Variants in CDH22 observed in about 807,000 individuals in gnomAD.
CDH22 encodes cadherin 22.
Under a neutral mutation model 58.4 loss-of-function variants are expected in CDH22, and 30 were observed. That is an observed-to-expected ratio of 0.51 (90% CI 0.38 to 0.70). The LOEUF (loss-of-function observed/expected upper bound fraction) is 0.70. Ranked by LOEUF, CDH22 falls within the 30% of genes least tolerant of loss-of-function variation. The pLI, the probability that CDH22 is intolerant of heterozygous loss-of-function variation, is 0.00. For missense variants in CDH22, 1,014 were observed against 1,233.9 expected, an observed-to-expected ratio of 0.82 and a Z score of 2.67; for synonymous variants, 513 against 558.2, an observed-to-expected ratio of 0.92 and a Z score of 1.14.
At chr20:46,183,300 C>T (rs1055045948) in intron 10 of CDH22, among the ~76,000 whole-genome samples, 3 of 152,218 alleles carry the variant, frequency 2.0e-5, no homozygotes, top group South Asian at 4.1e-4. Flanking sequence ...AATCAAGCCA[C>T]GAAGGAGTTA....
intron 1 of CDH22, among the ~76,000 whole-genome samples, chr20:46,284,328 C>T (rs2086566390): frequency 6.6e-6 from 1 of 152,196 alleles, no homozygotes; most frequent in Admixed American, 6.5e-5. Context: ...CCTCCCTGCT[C>T]CTAAGCCCTG....
chr20:46,218,987 C>T (rs1397931242), intron 4 of CDH22, among the ~76,000 whole-genome samples: 1 of 152,198 alleles, frequency 6.6e-6, no homozygotes, highest in Non-Finnish European at 1.5e-5. Context: ...CAAGCTCTGA[C>T]ACCTGATGTC....
At chr20:46,194,949 T>A (rs2085888753) in intron 8 of CDH22, among the ~76,000 whole-genome samples, 1 of 152,114 alleles carries the variant, frequency 6.6e-6, no homozygotes, top group Non-Finnish European at 1.5e-5. Context: ...AGGCTGCTCT[T>A]GAACTCCTGA....
Position 46,251,384 on chromosome 20 carries a change from C to T in CDH22, c.-90G>A, listed in dbSNP as rs924100173. On this transcript the variant is annotated 5_prime_UTR_variant, in exon 2 of 12. The change abolishes the stop of an existing upstream ORF in the 5' untranslated region. Transcript: ENST00000537909. This position sits in a 1 kb window ranked among gnomAD's most constrained non-coding sequence, Gnocchi z 6.7. ...GTCGCACAACGATGCGGCGCCGTGT[C>T]ACATGGTGGCCTCAGCGCGGCCGCC... 1.7e-4 allele frequency: 228 copies of T among 1,346,754 alleles called. No homozygotes were observed. The African/African-American group carries it at 3.5e-3, about 20-fold the overall frequency. The allele number at this position is 1,346,754 out of a possible 1,614,324, so 83.4% of individuals were successfully genotyped here.
At chr20:46,197,299 T>G in intron 8 of CDH22, among the ~76,000 whole-genome samples, 1 of 148,754 alleles carries the variant, frequency 6.7e-6, no homozygotes, top group East Asian at 2.1e-4. Context: ...GGCCAGGATA[T>G]ATATATATAT....
At chr20:46,208,943 A>G (rs1266907972) in intron 7 of CDH22, among the ~76,000 whole-genome samples, 1 of 152,262 alleles carries the variant, frequency 6.6e-6, no homozygotes, top group Non-Finnish European at 1.5e-5. Flanking sequence ...GTGTCCACTG[A>G]GTGCTGAGGC....
At chr20:46,189,238 T>G (rs534290008) in intron 8 of CDH22, among the ~76,000 whole-genome samples, 2 of 152,116 alleles carry the variant, frequency 1.3e-5, no homozygotes, top group East Asian at 3.9e-4. Flanking sequence ...GCCACTCCAG[T>G]GATTAGAGGG....
chr20:46,178,241 T>C, intron 10 of CDH22, 44 bp from the exon 11 acceptor site: 1 of 1,587,434 alleles, frequency 6.3e-7, no homozygotes. Flanking sequence ...GGGCCGGGGG[T>C]CAGCATCCTT....
intron 1 of CDH22, among the ~76,000 whole-genome samples, chr20:46,307,488 C>G (rs1292912861): frequency 6.6e-6 from 1 of 152,210 alleles, no homozygotes; most frequent in South Asian, 2.1e-4. Context: ...GTCGGGGGCC[C>G]CGTCCTTCTT....
chr20:46,227,664 G>A, intron 3 of CDH22, 37 bp from the exon 4 acceptor site: 1 of 1,585,836 alleles, frequency 6.3e-7, no homozygotes, highest in South Asian at 1.1e-5. Context: ...GGGGTCATCT[G>A]GGGCTGCGGA....
intron 8 of CDH22, among the ~76,000 whole-genome samples, chr20:46,189,634 G>A (rs2085850046): frequency 2.0e-5 from 3 of 152,146 alleles, no homozygotes; most frequent in Non-Finnish European, 2.9e-5. Context: ...GGCTATGCTC[G>A]GCCTCTCTTA....
In CDH22 at chr20:46,283,589, C is replaced by A. The variant is rs1208557093; in HGVS notation, c.-400+24666G>T. Among the ~76,000 whole-genome samples the A allele has an allele frequency of 2.6e-5, 4 of 152,266 alleles. No homozygotes were observed. In the East Asian group the frequency reaches 7.7e-4, roughly 29 times the overall value. ...TCACAGAGACTTCCCCATAGTCATTCAGTGAGTCAGCGGCAGGGAATCCAG... is the reference window on the plus strand; with the variant it reads ...TCACAGAGACTTCCCCATAGTCATTAAGTGAGTCAGCGGCAGGGAATCCAG... On this transcript the variant is annotated intron_variant, in intron 1 of 11. Coordinates refer to ENST00000537909, the MANE Select transcript of CDH22 (RefSeq NM_021248.3).
chr20:46,199,641 A>G, intron 7 of CDH22, 82 bp from the exon 8 acceptor site: 1 of 1,507,000 alleles, frequency 6.6e-7, no homozygotes, highest in Non-Finnish European at 9.0e-7. Flanking sequence ...CCCCACTCCA[A>G]GAGAGGGACC....
At chr20:46,203,049 T>C (rs1411796554) in intron 7 of CDH22, among the ~76,000 whole-genome samples, 1 of 152,146 alleles carries the variant, frequency 6.6e-6, no homozygotes, top group African/African-American at 2.4e-5. Context: ...TCTTCCTCCT[T>C]CTCCTTTGCC....
rs753008671 is a variant in CDH22, at chr20:46,174,719, C to A, written c.2274G>T (p.Ala758=). ...AGGGCGGCACCGACAGGTCCCCGTC[C>A]GCCAGTGCCACCTTGCGGCTGATGA... ...RDFISRKVAL[A]DGDLSVPPYD... is the part of the protein sequence containing the mutation. The change falls in exon 12 of 12, where the codon GCG becomes GCT. Residue 758 remains alanine, a synonymous_variant. Transcript: ENST00000537909. The surrounding 1 kb of genome is among the most constrained non-coding windows in gnomAD (Gnocchi z 4.4). 4.5e-6 allele frequency: 7 copies of A among 1,555,872 alleles called. No individual in the cohort carries two copies. In the East Asian group the frequency reaches 1.6e-4, roughly 36 times the overall value.
intron 8 of CDH22, among the ~76,000 whole-genome samples, chr20:46,190,429 G>A (rs144757039): frequency 6.6e-6 from 1 of 152,280 alleles, no homozygotes; most frequent in East Asian, 1.9e-4. Context: ...CTGGTCATTT[G>A]TCCATTCAGT....
intron 7 of CDH22, among the ~76,000 whole-genome samples, chr20:46,204,867 G>A (rs2085989200): frequency 6.6e-6 from 1 of 152,092 alleles, no homozygotes; most frequent in Non-Finnish European, 1.5e-5. Flanking sequence ...ACATAAATAT[G>A]TGCATATATA....
intron 10 of CDH22, among the ~76,000 whole-genome samples, chr20:46,181,306 A>G (rs192271844): frequency 6.6e-6 from 1 of 152,320 alleles, no homozygotes; most frequent in East Asian, 1.9e-4. Context: ...CACCTGAGCC[A>G]GTCTAGGAGG....
intron 10 of CDH22, among the ~76,000 whole-genome samples, chr20:46,185,978 C>T (rs368739045): frequency 1.3e-5 from 2 of 151,908 alleles, no homozygotes; most frequent in South Asian, 2.1e-4. Flanking sequence ...TTTGGGAGGC[C>T]GAGGCAGGCC....
Sources: allele counts gnomAD v4.1 joint callset (sites outside exome capture counted in the v4.1 genomes callset), GRCh38; gene constraint gnomAD v4.1.1; non-coding constraint Gnocchi (gnomAD v3.1); transcripts MANE v1.5; gene names NCBI Gene and HGNC (gene_info 2026-07-23, HGNC 2026-07-21).